The following PPCDC variants were observed in gnomAD, a reference collection of about 807,000 sequenced individuals.
PPCDC encodes the protein phosphopantothenoylcysteine decarboxylase.
Under a neutral mutation model 20.7 loss-of-function variants are expected in PPCDC, and 20 were observed. That is an observed-to-expected ratio of 0.97 (90% CI 0.68 to 1.41). The LOEUF (loss-of-function observed/expected upper bound fraction) is 1.41, where lower values mean the gene tolerates loss of function less well. Ranked by LOEUF, PPCDC falls within the 40% of genes most tolerant of loss-of-function variation. PPCDC has a pLI of 0.00. For synonymous variants in PPCDC, 88 were observed against 100.3 expected (o/e 0.88, Z 0.73); for missense variants, 246 against 263.8 (o/e 0.93, Z 0.47).
intron 4 of PPCDC, among the ~76,000 whole-genome samples, chr15:75,047,593 A>C (rs1348758274): frequency 6.6e-6 from 1 of 152,238 alleles, no homozygotes; most frequent in African/African-American, 2.4e-5. Context: ...CCCCCAGCCC[A>C]GGGAGCCTGT....
At chr15:75,048,439 T>G in intron 4 of PPCDC, 114 bp from the exon 5 acceptor site, 1 of 1,402,622 alleles carries the variant, frequency 7.1e-7, no homozygotes, top group East Asian at 2.3e-5. Context: ...GCAGGCAGGC[T>G]GTGCCCAGTC....
chr15:75,042,062 G>A (rs970145228), intron 2 of PPCDC, among the ~76,000 whole-genome samples: 10 of 152,192 alleles, frequency 6.6e-5, no homozygotes, highest in Non-Finnish European at 1.0e-4. Flanking sequence ...TTTTCTATGC[G>A]AAATCTTCCA....
chr15:75,043,886 C>T (rs1313661051), intron 3 of PPCDC, among the ~76,000 whole-genome samples: 1 of 152,228 alleles, frequency 6.6e-6, no homozygotes, highest in African/African-American at 2.4e-5. Context: ...CTTCCCACGG[C>T]CGCCGGGCTC....
intron 2 of PPCDC, among the ~76,000 whole-genome samples, chr15:75,033,043 T>A (rs1034290353): frequency 6.6e-6 from 1 of 152,180 alleles, no homozygotes; most frequent in Non-Finnish European, 1.5e-5. Flanking sequence ...GCTCAAGTGA[T>A]CTGTCTGCCT....
intron 1 of PPCDC, among the ~76,000 whole-genome samples, chr15:75,024,681 T>C (rs924040651): frequency 1.3e-5 from 2 of 151,250 alleles, no homozygotes; most frequent in African/African-American, 4.9e-5. Context: ...CTTTTCTTTT[T>C]TTTTTTTTGA....
chr15:75,046,774 G>T (rs1347973808), intron 4 of PPCDC, among the ~76,000 whole-genome samples: 1 of 152,276 alleles, frequency 6.6e-6, no homozygotes, highest in Non-Finnish European at 1.5e-5. Context: ...GGCATGGGGT[G>T]CTGTGAGGGC....
intron 4 of PPCDC, among the ~76,000 whole-genome samples, chr15:75,045,484 A>G (rs1417782606): frequency 6.6e-6 from 1 of 152,136 alleles, no homozygotes; most frequent in Non-Finnish European, 1.5e-5. Context: ...TAGCAGTTTT[A>G]CTTTTGCGAG....
rs376059095 is a variant in PPCDC, at chr15:75,032,735, C to CT, written c.135+4282_135+4283insT. 1.1e-3 allele frequency among the ~76,000 whole-genome samples: 151 copies of CT among 136,456 alleles called. 11 individuals are homozygous for CT. The highest frequency in any genetic ancestry group is 8.8e-3 in the South Asian group (30 of 3,404). 89.5% of individuals were successfully genotyped at this position (136,456 alleles called of 152,430 possible). A position where few individuals can be genotyped will look rare whatever the true frequency, so the allele number is the denominator to read the frequency against. On this transcript the variant is annotated intron_variant, in intron 2 of 5. Coordinates refer to ENST00000342932, the MANE Select transcript of PPCDC (RefSeq NM_021823.5). ...AGCTAGCAAACTGGACCCCCCCCCC[C>CT]AAGGCCAAATTCGGCTCTGCCTGTT...
At chr15:75,029,874 G>A (rs900756371) in intron 2 of PPCDC, among the ~76,000 whole-genome samples, 9 of 152,168 alleles carry the variant, frequency 5.9e-5, no homozygotes, top group Non-Finnish European at 8.8e-5. Flanking sequence ...GGATAGGGGC[G>A]GGGAGTCCTA....
At chr15:75,028,505 G>A in intron 2 of PPCDC, 52 bp downstream of exon 2, 10 of 1,608,814 alleles carry the variant, frequency 6.2e-6, no homozygotes, top group Non-Finnish European at 7.7e-6. Flanking sequence ...GGAGGCCGGT[G>A]CTCCCGGGGA....
chr15:75,028,419 C>G lies in PPCDC; in HGVS notation c.101C>G (p.Pro34Arg). 6.2e-7 allele frequency: 1 copy of G among 1,614,126 alleles called. No homozygotes were observed. The highest frequency in any genetic ancestry group is 2.2e-5 in the East Asian group (1 of 44,904). The change falls in exon 2 of 6, where the codon CCT becomes CGT. Residue 34 changes from proline to arginine, a missense_variant. Physicochemically the swap from Pro to Arg is moderately radical, Grantham distance 103. This residue lies in a region of PPCDC where 225 missense variants were observed against 222.6 expected (regional missense o/e 1.01). Coordinates refer to ENST00000342932, the MANE Select transcript of PPCDC (RefSeq NM_021823.5). Reference protein sequence around the residue: ...VTGSVAALKLPLLVSKLLDIP... With the variant: ...VTGSVAALKLRLLVSKLLDIP... ...GGGAGTGTCGCAGCCCTGAAGTTGC[C>G]TCTTCTGGTGTCAAAGCTTTTGGAC...
At position 75,028,239 on chromosome 15, in the gene PPCDC, C is replaced by T; in HGVS notation, c.-72-8C>T. ...GAATGAAGGGGGTGGCCCTTGTTCT[C>T]CTTTTAGATCCTAAATCCCGACAGC... On this transcript the variant is annotated splice_region_variant and splice_polypyrimidine_tract_variant and intron_variant, in intron 1 of 5. Coordinates refer to ENST00000342932, the MANE Select transcript of PPCDC (RefSeq NM_021823.5). 4 of 1,554,424 alleles carry T rather than the reference C, an allele frequency of 2.6e-6. No homozygotes were observed. Among genetic ancestry groups the T allele is most frequent in the Non-Finnish European group, 3.5e-6 (4 of 1,150,032 alleles).
intron 2 of PPCDC, among the ~76,000 whole-genome samples, chr15:75,039,888 G>A (rs1178408298): frequency 2.6e-5 from 4 of 151,442 alleles, no homozygotes; most frequent in African/African-American, 9.7e-5. Flanking sequence ...AGGTTCAAGC[G>A]ATTCTCCTGC....
chr15:75,048,402 C>G (rs1252035242), intron 4 of PPCDC, 151 bp from the exon 5 acceptor site: 3 of 1,022,872 alleles, frequency 2.9e-6, no homozygotes, highest in Non-Finnish European at 4.2e-6. Context: ...ACATAGCCCC[C>G]ACCCCTGAGG....
intron 2 of PPCDC, among the ~76,000 whole-genome samples, chr15:75,036,841 A>AT (rs113883394): frequency 0.02 from 2,999 of 149,378 alleles, 91 homozygotes; most frequent in African/African-American, 0.069. Context: ...TTGATTGATT[A>AT]TTTTTTTTTT....
intron 1 of PPCDC, among the ~76,000 whole-genome samples, chr15:75,025,157 T>C (rs2065946648): frequency 6.6e-6 from 1 of 152,130 alleles, no homozygotes. Flanking sequence ...TGCTCAATCC[T>C]CCCACCTTGC....
chr15:75,039,446 T>C (rs1046368285), intron 2 of PPCDC, among the ~76,000 whole-genome samples: 9 of 152,218 alleles, frequency 5.9e-5, no homozygotes, highest in Non-Finnish European at 1.0e-4. Flanking sequence ...TCTGCAAGGG[T>C]AGTATGTTTG....
chr15:75,039,726 G>A (rs1308509063), intron 2 of PPCDC, among the ~76,000 whole-genome samples: 3 of 151,824 alleles, frequency 2.0e-5, no homozygotes, highest in East Asian at 1.9e-4. Flanking sequence ...GCATTGGCAC[G>A]TCTTAACTGC....
chr15:75,034,714 G>A (rs1182798946), intron 2 of PPCDC, among the ~76,000 whole-genome samples: 4 of 152,144 alleles, frequency 2.6e-5, no homozygotes, highest in Non-Finnish European at 4.4e-5. Flanking sequence ...TCTGCTGTGC[G>A]TCCTGGCCCA....
Sources: gnomAD v4.1 joint callset for allele counts (sites outside exome capture counted in the v4.1 genomes callset) on GRCh38, gnomAD v4.1.1 for gene constraint, gnomAD v4.1.1 regional missense constraint, MANE v1.5 for transcripts, NCBI Gene and HGNC (gene_info 2026-07-23, HGNC 2026-07-21) for gene names.